Variants in PRX observed in about 807,000 individuals in gnomAD.
PRX encodes periaxin.
Under a neutral mutation model 29.6 loss-of-function variants are expected in PRX, and 24 were observed. That is an observed-to-expected ratio of 0.81 (90% CI 0.59 to 1.14). PRX has a LOEUF of 1.14. Ranked by LOEUF, PRX falls within the 50% of genes most tolerant of loss-of-function variation. PRX has a pLI of 0.00. For missense variants in PRX, 1,838 were observed against 1,926.4 expected, an observed-to-expected ratio of 0.95 and a Z score of 0.86; for synonymous variants, 772 against 831.7, an observed-to-expected ratio of 0.93 and a Z score of 1.24.
At chr19:40,409,817 C>T (rs994743797) in intron 1 of PRX, among the ~76,000 whole-genome samples, 3 of 152,130 alleles carry the variant, frequency 2.0e-5, no homozygotes, top group Non-Finnish European at 4.4e-5. Flanking sequence ...GACCTTGTGT[C>T]GAGCGCCCCA....
chr19:40,398,852 T>A lies in PRX; in HGVS notation c.185-36A>T. ...GGTGGAGGTGCGCAGCACGTGGGCA[T>A]CTCCCGGCTCCGCCCGGGCCTAGTT... On this transcript the variant is annotated intron_variant, in intron 5 of 6. Coordinates refer to ENST00000324001, the MANE Select transcript of PRX (RefSeq NM_181882.3). This position sits in a 1 kb window ranked among gnomAD's most constrained non-coding sequence, Gnocchi z 6.3. 6.2e-7 allele frequency: 1 copy of A among 1,613,398 alleles called. No individual in the cohort carries two copies. Among genetic ancestry groups the A allele is most frequent in the Non-Finnish European group, 8.5e-7 (1 of 1,179,894 alleles).
chr19:40,408,289 G>C, intron 2 of PRX, 33 bp from the exon 3 acceptor site: 1 of 456,740 alleles, frequency 2.2e-6, no homozygotes, highest in Non-Finnish European at 4.0e-6. Flanking sequence ...TGAAGCTCCA[G>C]GCAGGCGAGG....
chr19:40,394,866 C>T lies in PRX; in HGVS notation c.3486G>A (p.Glu1162=), dbSNP rs764466921. The T allele has an allele frequency of 4.7e-5, 75 of 1,611,990 alleles. No individual in the cohort carries two copies. The highest frequency in any genetic ancestry group is 6.2e-5 in the Non-Finnish European group (73 of 1,179,990). Residue 1162 remains glutamate (E), a synonymous_variant, in exon 7 of 7, where the codon GAG becomes GAA. Coordinates refer to ENST00000324001, the MANE Select transcript of PRX (RefSeq NM_181882.3). The surrounding 1 kb of genome is among the most constrained non-coding windows in gnomAD (Gnocchi z 5.8). ...GAGCCTGCTGCCCTGGGGTACCTGCCTCCCCAAAGCCGGTCAGCTCCACCT... is the reference window on the plus strand; with the variant it reads ...GAGCCTGCTGCCCTGGGGTACCTGCTTCCCCAAAGCCGGTCAGCTCCACCT... ...LPQVELTGFG[E]AGTPGQQAQS... is the part of the protein sequence containing the mutation.
chr19:40,398,641 C>T lies in PRX; in HGVS notation c.360G>A (p.Pro120=). The T allele has an allele frequency of 6.2e-7, 1 of 1,613,392 alleles. No homozygotes were observed. Among genetic ancestry groups the T allele is most frequent in the South Asian group, 1.1e-5 (1 of 91,062 alleles). ...GTACCAGCTTGGCCACCTTGGCCCG[C>T]GGGCCCTTGATCTCGTAGCCAGACA... ...GTVSGYEIKG[P]RAKVAKLNIQ... The change falls in exon 6 of 7, where the codon CCG becomes CCA. Residue 120 remains proline (P), a synonymous_variant. Coordinates refer to ENST00000324001, the MANE Select transcript of PRX (RefSeq NM_181882.3). The surrounding 1 kb of genome is among the most constrained non-coding windows in gnomAD (Gnocchi z 6.3).
At position 40,398,771 on chromosome 19, in the gene PRX, T is replaced by TA; in HGVS notation, c.229dup (p.Tyr77LeufsTer74). 6.2e-7 allele frequency: 1 copy of TA among 1,614,054 alleles called. No individual in the cohort carries two copies. The highest frequency in any genetic ancestry group is 8.5e-7 in the Non-Finnish European group (1 of 1,179,962). ...TTGCAGCAGGCGTAGTGCGTCCTCG[T>TA]ACTTGAAGTTCTCGAAGAACACTCG... On this transcript the variant is annotated frameshift_variant, in exon 6 of 7. Transcript: ENST00000324001. LOFTEE classifies it high-confidence loss of function. The surrounding 1 kb of genome is among the most constrained non-coding windows in gnomAD (Gnocchi z 6.3).
In PRX at chr19:40,394,049, C is replaced by A; in HGVS notation, c.4303G>T (p.Val1435Leu). 6.2e-7 allele frequency: 1 copy of A among 1,612,884 alleles called. No individual in the cohort carries two copies. Among genetic ancestry groups the A allele is most frequent in the South Asian group, 1.1e-5 (1 of 91,022 alleles). Reference protein sequence around the residue: ...SGDQEEGGLRVRLPSVGFSET... With the variant: ...SGDQEEGGLRLRLPSVGFSET... Reference sequence around the variant, plus strand: ...GAAAACCCCACGCTGGGCAGCCGCACCCGCAATCCACCCTCTTCCTGGTCC... The same window carrying A: ...GAAAACCCCACGCTGGGCAGCCGCAACCGCAATCCACCCTCTTCCTGGTCC... The change falls in exon 7 of 7, where the codon GTG becomes TTG. Residue 1435 changes from valine to leucine, a missense_variant. Val to Leu is a conservative substitution (Grantham distance 32). This residue lies in a region of PRX where 1,143 missense variants were observed against 1,193.0 expected (regional missense o/e 0.96). Coordinates refer to ENST00000324001, the MANE Select transcript of PRX (RefSeq NM_181882.3). The surrounding 1 kb of genome is among the most constrained non-coding windows in gnomAD (Gnocchi z 5.8).
chr19:40,411,000 C>T (rs962498958), intron 1 of PRX, among the ~76,000 whole-genome samples: 1 of 152,228 alleles, frequency 6.6e-6, no homozygotes, highest in Admixed American at 6.5e-5. Context: ...TCTGCCATGT[C>T]TGGGGCATTT....
chr19:40,394,845 C>T lies in PRX; in HGVS notation c.3507G>A (p.Gln1169=), dbSNP rs1192713210. The T allele has an allele frequency of 1.2e-6, 2 of 1,612,836 alleles. No homozygotes were observed. The highest frequency in any genetic ancestry group is 2.2e-5 in the South Asian group (2 of 91,084). ...GFGEAGTPGQ[Q]AQSTVPSAEG... Reference sequence around the variant, plus strand: ...CTGCTGAAGGGACTGTACTCTGAGCCTGCTGCCCTGGGGTACCTGCCTCCC... The same window carrying T: ...CTGCTGAAGGGACTGTACTCTGAGCTTGCTGCCCTGGGGTACCTGCCTCCC... The change falls in exon 7 of 7, where the codon CAG becomes CAA. Residue 1169 remains glutamine, a synonymous_variant. Transcript: ENST00000324001. This position sits in a 1 kb window ranked among gnomAD's most constrained non-coding sequence, Gnocchi z 5.8.
In PRX at chr19:40,395,843, G is replaced by A. The variant is rs1177784082; in HGVS notation, c.2509C>T (p.Leu837=). ...GCCTCACCATCCACCTCTGGCTGCA[G>A]ACAGGGAAGTGTTACCAGCTTCCCT... ...VSGKLVTLPC[L]QPEVDGEAHV... The change falls in exon 7 of 7, where the codon CTG becomes TTG. Residue 837 remains leucine (L), a synonymous_variant. Coordinates refer to ENST00000324001, the MANE Select transcript of PRX (RefSeq NM_181882.3). 8.1e-6 allele frequency: 13 copies of A among 1,614,094 alleles called. No homozygotes were observed. The highest frequency in any genetic ancestry group is 1.1e-5 in the Non-Finnish European group (13 of 1,180,060).
At position 40,397,815 on chromosome 19, in the gene PRX, G is replaced by A. The variant is rs1400743713; in HGVS notation, c.537C>T (p.Val179=). 1 of 1,588,354 alleles carries A rather than the reference G, an allele frequency of 6.3e-7. No homozygotes were observed. Among genetic ancestry groups the A allele is most frequent in the South Asian group, 1.1e-5 (1 of 87,734 alleles). The part of the protein sequence containing the change: ...GLKAEAVKGP[V]PAAPARRRLQ... ...GGCGCCGGCGGGCAGGGGCAGCCGG[G>A]ACAGGACCCTTGACAGCCTCGGCTT... The change falls in exon 7 of 7, where the codon GTC becomes GTT. Residue 179 remains valine (V), a synonymous_variant. Coordinates refer to ENST00000324001, the MANE Select transcript of PRX (RefSeq NM_181882.3).
rs2079407504 is a variant in PRX, at chr19:40,394,293, C to G, written c.4059G>C (p.Glu1353Asp). Residue 1353 changes from glutamate to aspartate, a missense_variant, in exon 7 of 7, where the codon GAG becomes GAC. Coordinates refer to ENST00000324001, the MANE Select transcript of PRX (RefSeq NM_181882.3). This position sits in a 1 kb window ranked among gnomAD's most constrained non-coding sequence, Gnocchi z 5.8. ...CCTCTTCCTCCTCCTCCTCCTCCTC[C>G]TCGGGGCTGGGGGACCCTTCCCCAG... ...MVTGEGSPSP[E>D]EEEEEEEEGS... 6.2e-7 allele frequency: 1 copy of G among 1,608,512 alleles called. No individual in the cohort carries two copies. The highest frequency in any genetic ancestry group is 1.3e-5 in the African/African-American group (1 of 74,826).
chr19:40,405,270 T>G (rs2079523524), intron 4 of PRX, among the ~76,000 whole-genome samples: 1 of 152,122 alleles, frequency 6.6e-6, no homozygotes, highest in African/African-American at 2.4e-5. Context: ...CTGGATCCTG[T>G]CTAGGAATCC....
rs991453222 is a variant in PRX at position 40,408,353 on chromosome 19, C to T, written c.-212G>A. 2 of 327,176 alleles carry T rather than the reference C, an allele frequency of 6.1e-6. No individual in the cohort carries two copies. The highest frequency in any genetic ancestry group is 2.1e-5 in the African/African-American group (1 of 47,616). 20.3% of individuals were successfully genotyped at this position (327,176 alleles called of 1,614,324 possible). A position where few individuals can be genotyped will look rare whatever the true frequency, so the allele number is the denominator to read the frequency against. On this transcript the variant is annotated 5_prime_UTR_variant, in exon 2 of 7. Transcript: ENST00000324001. ...GCCTGCGCTCACCTGAGGGTCACCT[C>T]CAGCTCCTTGGGCCTCCTGGGTCCG... is the stretch of plus-strand genomic sequence containing the variant.
rs2145733122 is a variant in PRX, at chr19:40,397,911, G to A, written c.441C>T (p.Val147=). ...CGTCAACAGGGGCCAGGTCAGCGGG[G>A]ACCCCCAGAGCCCCAGGCACCATCT... ...KKKMVPGALG[V]PADLAPVDVE... Residue 147 remains valine (V), a synonymous_variant, in exon 7 of 7, where the codon GTC becomes GTT. Coordinates refer to ENST00000324001, the MANE Select transcript of PRX (RefSeq NM_181882.3). 6.2e-7 allele frequency: 1 copy of A among 1,612,914 alleles called. No homozygotes were observed. Among genetic ancestry groups the A allele is most frequent in the Admixed American group, 1.7e-5 (1 of 59,858 alleles).
In PRX at chr19:40,397,778, G is replaced by C. The variant is rs780147663; in HGVS notation, c.574C>G (p.Arg192Gly). ...TCGGCCACTTCTCGTACACGCAGCC[G>C]AGGCAGCTGGAGGCGCCGGCGGGCA... ...APARRRLQLP[R>G]LRVREVAEEA... is the part of the protein sequence containing the mutation. The change falls in exon 7 of 7, where the codon CGG (arginine) becomes GGG (glycine). Residue 192 changes from arginine (R) to glycine (G), a missense_variant. This residue lies in a region of PRX where 666 missense variants were observed against 665.0 expected (regional missense o/e 1.00). Coordinates refer to ENST00000324001, the MANE Select transcript of PRX (RefSeq NM_181882.3). 2 of 1,570,180 alleles carry C rather than the reference G, an allele frequency of 1.3e-6. No individual in the cohort carries two copies. The highest frequency in any genetic ancestry group is 1.3e-5 in the African/African-American group (1 of 74,468).
At chr19:40,409,364 C>T (rs948550655) in intron 1 of PRX, among the ~76,000 whole-genome samples, 16 of 152,100 alleles carry the variant, frequency 1.1e-4, no homozygotes, top group African/African-American at 3.9e-4. Context: ...AGAATAAGAG[C>T]TTTTACCTCG....
intron 4 of PRX, among the ~76,000 whole-genome samples, chr19:40,405,520 G>C (rs904983237): frequency 6.6e-6 from 1 of 151,338 alleles, no homozygotes; most frequent in South Asian, 2.1e-4. Flanking sequence ...GAGCAGGGCA[G>C]TCTGGGTAAG....
Position 40,394,630 on chromosome 19 carries a change from CCCTCGCCTGTGGCCGCCTCGCCCG to C in PRX, c.3698_3721del (p.Ala1233_Glu1240del). ...TGTGGGCAACTTCAGCCTCAGCCCA[CCCTCGCCTGTGGCCGCCTCGCCCG>C]CCTGTGCCTCTCGGCTTAGCCCCAC... On this transcript the variant is annotated inframe_deletion, in exon 7 of 7. Coordinates refer to ENST00000324001, the MANE Select transcript of PRX (RefSeq NM_181882.3). The surrounding 1 kb of genome is among the most constrained non-coding windows in gnomAD (Gnocchi z 5.8). 2 of 1,607,666 alleles carry C rather than the reference CCCTCGCCTGTGGCCGCCTCGCCCG, an allele frequency of 1.2e-6. No individual in the cohort carries two copies. The highest frequency in any genetic ancestry group is 1.7e-6 in the Non-Finnish European group (2 of 1,179,718).
At position 40,410,169 on chromosome 19, in the gene PRX, C is replaced by T. The variant is rs552729987; in HGVS notation, c.-242-1786G>A. Among the ~76,000 whole-genome samples the T allele has an allele frequency of 2.0e-5, 3 of 152,258 alleles. No homozygotes were observed. The South Asian group carries it at 6.2e-4, about 32-fold the overall frequency. On this transcript the variant is annotated intron_variant, in intron 1 of 6. Transcript: ENST00000324001. ...AAGCTGAAATTCACATGCAGCCACC[C>T]GCCAGGCCCATCTGGGGAAATGGAG...
Sources: gnomAD v4.1 joint callset for allele counts (sites outside exome capture counted in the v4.1 genomes callset) on GRCh38, gnomAD v4.1.1 for gene constraint, gnomAD v4.1.1 regional missense constraint, Gnocchi (gnomAD v3.1) non-coding constraint, MANE v1.5 for transcripts, NCBI Gene and HGNC (gene_info 2026-07-23, HGNC 2026-07-21) for gene names.